Variants in IQGAP1 observed in about 807,000 individuals in gnomAD.
The protein encoded by IQGAP1 is ras GTPase-activating-like protein IQGAP1.
IQGAP1 carries 66 observed loss-of-function variants against 215.6 expected under a neutral mutation model. The ratio of observed to expected loss-of-function variants is 0.31; its 90% CI spans 0.25 to 0.38. The LOEUF is 0.38. Among genes scored for constraint, IQGAP1 ranks in the 10% least tolerant of loss-of-function variants. The pLI is 1.00. For missense variants in IQGAP1, 1,712 were observed against 1,997.1 expected, an observed-to-expected ratio of 0.86 and a Z score of 2.72; for synonymous variants, 772 against 728.7, an observed-to-expected ratio of 1.06 and a Z score of -0.96.
intron 2 of IQGAP1, among the ~76,000 whole-genome samples, chr15:90,424,126 C>G (rs955770712): frequency 2.0e-5 from 3 of 151,542 alleles, no homozygotes; most frequent in Non-Finnish European, 2.9e-5. Context: ...GTTAGATTGT[C>G]CCCTGAGAGC....
chr15:90,390,996 G>A, intron 2 of IQGAP1, 123 bp downstream of exon 2: 1 of 645,646 alleles, frequency 1.5e-6, no homozygotes, highest in Admixed American at 2.4e-5. Flanking sequence ...CACGTTGGGA[G>A]GCCGAGGTGG....
chr15:90,404,654 A>G (rs1326248341), intron 2 of IQGAP1, among the ~76,000 whole-genome samples: 1 of 151,878 alleles, frequency 6.6e-6, no homozygotes, highest in African/African-American at 2.4e-5. Flanking sequence ...CCTGGCGTGC[A>G]GTGGCCCGAT....
intron 2 of IQGAP1, among the ~76,000 whole-genome samples, chr15:90,411,323 G>A (rs1217105160): frequency 6.6e-6 from 1 of 151,526 alleles, no homozygotes; most frequent in African/African-American, 2.4e-5. Flanking sequence ...CTGTTACCCA[G>A]GCTGGAATGC....
chr15:90,484,141 G>A, intron 29 of IQGAP1, 79 bp from the exon 30 acceptor site: 1 of 1,275,306 alleles, frequency 7.8e-7, no homozygotes, highest in East Asian at 2.4e-5. Context: ...CTCATTGTGT[G>A]AGAGGTTTGT....
chr15:90,473,435 C>T (rs1596284409), intron 19 of IQGAP1: 1 of 440,724 alleles, frequency 2.3e-6, no homozygotes, highest in Non-Finnish European at 4.2e-6. Context: ...TTATCTTCCT[C>T]ACCTGGTTTG....
At chr15:90,392,645 T>A (rs888085118) in intron 2 of IQGAP1, among the ~76,000 whole-genome samples, 21 of 152,084 alleles carry the variant, frequency 1.4e-4, no homozygotes, top group Admixed American at 6.5e-5. Context: ...TACCAATAAC[T>A]AGTTCAACTG....
Position 90,474,120 on chromosome 15 carries a change from C to T in IQGAP1, c.2562C>T (p.Asp854=). 1 of 1,611,904 alleles carries T rather than the reference C, an allele frequency of 6.2e-7. No homozygotes were observed. Among genetic ancestry groups the T allele is most frequent in the Non-Finnish European group, 8.5e-7 (1 of 1,178,982 alleles). ...AFIRANKARD[D]YKTLINAEDP... is the part of the protein sequence containing the mutation. Reference sequence around the variant, plus strand: ...TTCGGGCAAACAAAGCTCGGGATGACTACAAGACTCTCAGTGAGTAACTGG... The same window carrying T: ...TTCGGGCAAACAAAGCTCGGGATGATTACAAGACTCTCAGTGAGTAACTGG... Residue 854 remains aspartate (D), a synonymous_variant, in exon 22 of 38, where the codon GAC becomes GAT. Coordinates refer to ENST00000268182, the MANE Select transcript of IQGAP1 (RefSeq NM_003870.4).
intron 4 of IQGAP1, 89 bp downstream of exon 4, chr15:90,429,755 T>G (rs1965276982): frequency 1.4e-6 from 1 of 727,672 alleles, no homozygotes; most frequent in South Asian, 2.1e-5. Context: ...CCTGTAAAAT[T>G]ATTCTCAGAA....
chr15:90,455,411 C>T (rs1965664905), intron 14 of IQGAP1, among the ~76,000 whole-genome samples: 1 of 152,092 alleles, frequency 6.6e-6, no homozygotes, highest in Non-Finnish European at 1.5e-5. Flanking sequence ...CATTGGTTGG[C>T]ATAAATTCAG....
intron 7 of IQGAP1, among the ~76,000 whole-genome samples, chr15:90,440,907 A>G (rs1965439777): frequency 6.6e-6 from 1 of 152,136 alleles, no homozygotes. Flanking sequence ...TCAGGAGTTC[A>G]AGACCAGCCT....
chr15:90,465,004 C>T (rs771851663), intron 15 of IQGAP1, among the ~76,000 whole-genome samples: 3 of 152,204 alleles, frequency 2.0e-5, no homozygotes, highest in African/African-American at 2.4e-5. Context: ...AAGTCACCTC[C>T]ACTACATCAT....
intron 2 of IQGAP1, among the ~76,000 whole-genome samples, chr15:90,421,044 G>GGA (rs1284286842): frequency 1.3e-5 from 2 of 152,152 alleles, no homozygotes; most frequent in Non-Finnish European, 2.9e-5. Context: ...AGAGGAGACG[G>GGA]GAGAATTGCT....
chr15:90,418,631 A>G lies in IQGAP1; in HGVS notation c.156-7479A>G, dbSNP rs149156757. 5.9e-5 allele frequency among the ~76,000 whole-genome samples: 9 copies of G among 152,288 alleles called. No individual in the cohort carries two copies. In the East Asian group the frequency reaches 1.3e-3, roughly 23 times the overall value. ...ACTGTAATTAAAGATAGCCTTTTGT[A>G]TAAGCATTCATTTTTGTACTAATTG... is the stretch of plus-strand genomic sequence containing the variant. On this transcript the variant is annotated intron_variant, in intron 2 of 37. Transcript: ENST00000268182.
Position 90,500,771 on chromosome 15 carries a change from T to C in IQGAP1, c.*663T>C, listed in dbSNP as rs1162952427. ...TATCAAACTTGGGCAATTCTGTTTGTGTAACTCCCCGACTAGTGGATGGGA... is the reference window on the plus strand; with the variant it reads ...TATCAAACTTGGGCAATTCTGTTTGCGTAACTCCCCGACTAGTGGATGGGA... On this transcript the variant is annotated 3_prime_UTR_variant, in exon 38 of 38. Transcript: ENST00000268182. 1 of 152,376 alleles carries C rather than the reference T, an allele frequency of 6.6e-6. No individual in the cohort carries two copies. The highest frequency in any genetic ancestry group is 1.9e-4 in the East Asian group (1 of 5,196). 9.4% of individuals were successfully genotyped at this position (152,376 alleles called of 1,614,324 possible).
At chr15:90,389,084 G>A (rs1964596785) in intron 1 of IQGAP1, among the ~76,000 whole-genome samples, 1 of 152,148 alleles carries the variant, frequency 6.6e-6, no homozygotes, top group Admixed American at 6.5e-5. Context: ...TTATATTGTG[G>A]GAATAATGTT....
intron 15 of IQGAP1, among the ~76,000 whole-genome samples, chr15:90,460,768 G>A (rs1965749764): frequency 6.6e-6 from 1 of 152,098 alleles, no homozygotes; most frequent in Non-Finnish European, 1.5e-5. Context: ...GGATGCCAAG[G>A]CGGGTGGATA....
At chr15:90,479,853 A>G (rs576032510) in intron 26 of IQGAP1, among the ~76,000 whole-genome samples, 1 of 152,270 alleles carries the variant, frequency 6.6e-6, no homozygotes, top group Non-Finnish European at 1.5e-5. Context: ...TTTTGCCTGC[A>G]TACCTGAGGC....
At position 90,444,289 on chromosome 15, in the gene IQGAP1, A is replaced by ATTT. The variant is rs759649205; in HGVS notation, c.913+820_913+822dup. Reference sequence around the variant, plus strand: ...TGTGTGTGTGTGTGTGTATATATATATTTTTTTTTTTCTTTAAGAGACAGA... The same window carrying ATTT: ...TGTGTGTGTGTGTGTGTATATATATATTTTTTTTTTTTTTCTTTAAGAGACAGA... On this transcript the variant is annotated intron_variant, in intron 9 of 37. Coordinates refer to ENST00000268182, the MANE Select transcript of IQGAP1 (RefSeq NM_003870.4). Among the ~76,000 whole-genome samples, 431 of 117,438 alleles carry ATTT rather than the reference A, an allele frequency of 3.7e-3. 3 individuals carry two copies. The highest frequency in any genetic ancestry group is 7.4e-3 in the Admixed American group (88 of 11,892). The allele number at this position is 117,438 out of a possible 152,430, so 77.0% of individuals were successfully genotyped here.
chr15:90,470,263 G>A (rs748530391), intron 18 of IQGAP1, among the ~76,000 whole-genome samples: 2 of 152,042 alleles, frequency 1.3e-5, no homozygotes, highest in African/African-American at 2.4e-5. Flanking sequence ...TCTCTCTGGA[G>A]GAAACAGCTA....
Sources: gnomAD v4.1 joint callset for allele counts (sites outside exome capture counted in the v4.1 genomes callset) on GRCh38, gnomAD v4.1.1 for gene constraint, MANE v1.5 for transcripts, NCBI Gene and HGNC (gene_info 2026-07-23, HGNC 2026-07-21) for gene names.